Variants in UBR3 observed in about 807,000 individuals in gnomAD.
UBR3 encodes E3 ubiquitin-protein ligase UBR3.
UBR3 carries 85 observed loss-of-function variants against 243.2 expected under a neutral mutation model. The ratio of observed to expected loss-of-function variants is 0.35; its 90% confidence interval spans 0.29 to 0.42. UBR3 has a LOEUF of 0.42. Ranked by LOEUF, UBR3 falls within the 10% of genes least tolerant of loss-of-function variation. UBR3 has a pLI of 1.00. For missense variants in UBR3, 1,686 were observed against 2,300.8 expected (o/e 0.73, Z 5.47); for synonymous variants, 748 against 799.8 (o/e 0.94, Z 1.09).
At chr2:169,919,662 C>T (rs996973575) in intron 11 of UBR3, among the ~76,000 whole-genome samples, 1 of 152,160 alleles carries the variant, frequency 6.6e-6, no homozygotes, top group Admixed American at 6.5e-5. Context: ...TATGAACAGA[C>T]ACTTCTCAAA....
At position 169,852,333 on chromosome 2, in the gene UBR3, A is replaced by G. The variant is rs565864128; in HGVS notation, c.546-19903A>G. The stretch of plus-strand genomic sequence containing the variant: ...GGTAGGCTTTTGTGTTTTCTTTTCT[A>G]TGGCTTTACATGCTTTTGGATCCTT... On this transcript the variant is annotated intron_variant, in intron 1 of 38. Coordinates refer to ENST00000272793, the MANE Select transcript of UBR3 (RefSeq NM_172070.4). Among the ~76,000 whole-genome samples, 6 of 152,264 alleles carry G rather than the reference A, an allele frequency of 3.9e-5. No homozygotes were observed. The South Asian group carries it at 8.3e-4, about 21-fold the overall frequency.
At chr2:169,921,125 A>G (rs1417951172) in intron 11 of UBR3, among the ~76,000 whole-genome samples, 2 of 152,326 alleles carry the variant, frequency 1.3e-5, no homozygotes, top group Middle Eastern at 3.4e-3. Context: ...TCTACATTTC[A>G]TATTTAAATT....
chr2:170,043,071 A>T (rs1044209697), intron 32 of UBR3, among the ~76,000 whole-genome samples: 13 of 152,094 alleles, frequency 8.5e-5, no homozygotes, highest in African/African-American at 2.9e-4. Flanking sequence ...TAGTAGTATT[A>T]CGTTTTGAAA....
intron 24 of UBR3, among the ~76,000 whole-genome samples, chr2:169,971,087 A>AT (rs1303185404): frequency 1.3e-5 from 2 of 151,926 alleles, no homozygotes; most frequent in African/African-American, 4.8e-5. Context: ...GATGATGAGC[A>AT]TTTTTTCATG....
intron 5 of UBR3, among the ~76,000 whole-genome samples, chr2:169,882,116 A>G (rs1418059440): frequency 4.5e-4 from 57 of 127,678 alleles, no homozygotes; most frequent in Admixed American, 8.0e-4. Flanking sequence ...TATATTATAT[A>G]TGTATATTAT....
chr2:170,000,536 G>T (rs537834797), intron 26 of UBR3, among the ~76,000 whole-genome samples: 1 of 152,344 alleles, frequency 6.6e-6, no homozygotes, highest in African/African-American at 2.4e-5. Flanking sequence ...TTCTGACTTG[G>T]TGACTAAATA....
At chr2:169,862,883 G>A (rs969668666) in intron 1 of UBR3, among the ~76,000 whole-genome samples, 1 of 152,056 alleles carries the variant, frequency 6.6e-6, no homozygotes, top group Non-Finnish European at 1.5e-5. Flanking sequence ...AACATGGGGC[G>A]GGGGTATGAC....
At position 169,923,922 on chromosome 2, in the gene UBR3, A is replaced by T; in HGVS notation, c.1867-7A>T. On this transcript the variant is annotated splice_polypyrimidine_tract_variant and splice_region_variant and intron_variant, in intron 11 of 38. Coordinates refer to ENST00000272793, the MANE Select transcript of UBR3 (RefSeq NM_172070.4). The stretch of plus-strand genomic sequence containing the variant: ...TTTGACTTGTGCATTTTGTTTGTTT[A>T]TTCCAGCCAGCACCTAACCAAGTCA... 1 of 1,534,366 alleles carries T rather than the reference A, an allele frequency of 6.5e-7. No individual in the cohort carries two copies. The highest frequency in any genetic ancestry group is 1.3e-5 in the South Asian group (1 of 79,772).
chr2:170,002,443 CT>C (rs1461539065), intron 27 of UBR3, among the ~76,000 whole-genome samples: 1 of 152,194 alleles, frequency 6.6e-6, no homozygotes, highest in Non-Finnish European at 1.5e-5. Context: ...TTCATTTCCT[CT>C]TAACAGATTC....
At chr2:170,071,406 G>A (rs1180607465) in intron 35 of UBR3, among the ~76,000 whole-genome samples, 3 of 152,142 alleles carry the variant, frequency 2.0e-5, no homozygotes, top group African/African-American at 7.2e-5. Context: ...ATTACATCCT[G>A]TATGATTTTA....
In UBR3 at chr2:170,079,452, G is replaced by A. The variant is rs1052679946; in HGVS notation, c.5200-362G>A. Among the ~76,000 whole-genome samples the A allele has an allele frequency of 5.3e-5, 8 of 152,214 alleles. No homozygotes were observed. In the East Asian group the frequency reaches 5.8e-4, roughly 11 times the overall value. ...ATCAAAACTTGGTTTTAAAAAATACGTAACTTTTAAAAACCTTTGCACTAT... is the reference window on the plus strand; with the variant it reads ...ATCAAAACTTGGTTTTAAAAAATACATAACTTTTAAAAACCTTTGCACTAT... On this transcript the variant is annotated intron_variant, in intron 36 of 38. Transcript: ENST00000272793.
At chr2:170,002,164 A>G (rs2089737126) in intron 27 of UBR3, among the ~76,000 whole-genome samples, 2 of 151,898 alleles carry the variant, frequency 1.3e-5, no homozygotes, top group African/African-American at 4.8e-5. Flanking sequence ...GCTCTTTGCT[A>G]TCCTCACTTT....
chr2:169,955,304 C>G, intron 23 of UBR3, among the ~76,000 whole-genome samples: 1 of 152,078 alleles, frequency 6.6e-6, no homozygotes, highest in Non-Finnish European at 1.5e-5. Flanking sequence ...ACTTTATATT[C>G]ATTTATTTTT....
chr2:169,933,020 A>G lies in UBR3; in HGVS notation c.2663+12A>G. Reference sequence around the variant, plus strand: ...AGATATACTGCATTGTAAGTCCATCAAATTGATTAGCATCATAACAGTATT... The same window carrying G: ...AGATATACTGCATTGTAAGTCCATCGAATTGATTAGCATCATAACAGTATT... On this transcript the variant is annotated intron_variant, in intron 19 of 38. Transcript: ENST00000272793. 6.7e-7 allele frequency: 1 copy of G among 1,499,924 alleles called. No individual in the cohort carries two copies. Among genetic ancestry groups the G allele is most frequent in the Non-Finnish European group, 8.9e-7 (1 of 1,124,682 alleles). The allele number at this position is 1,499,924 out of a possible 1,614,324, so 92.9% of individuals were successfully genotyped here.
intron 1 of UBR3, among the ~76,000 whole-genome samples, chr2:169,858,182 T>G (rs1205870856): frequency 6.6e-6 from 1 of 152,196 alleles, no homozygotes; most frequent in East Asian, 1.9e-4. Context: ...AAAATCTAAG[T>G]TGGCACTGTA....
intron 26 of UBR3, among the ~76,000 whole-genome samples, chr2:169,994,777 T>G (rs1390894866): frequency 1.3e-5 from 2 of 152,212 alleles, no homozygotes; most frequent in Non-Finnish European, 2.9e-5. Flanking sequence ...AAAAAATAAA[T>G]TCCCTACTGG....
intron 11 of UBR3, among the ~76,000 whole-genome samples, chr2:169,914,859 T>C (rs1367472124): frequency 6.8e-6 from 1 of 147,532 alleles, no homozygotes; most frequent in East Asian, 1.9e-4. Context: ...TGTGTGTGTG[T>C]GTGTGTGTGT....
chr2:169,883,728 A>G (rs2083981752), intron 5 of UBR3, among the ~76,000 whole-genome samples: 1 of 152,258 alleles, frequency 6.6e-6, no homozygotes, highest in South Asian at 2.1e-4. Context: ...ATGCCATTTT[A>G]GCCAGTAATG....
chr2:169,922,999 T>G (rs1472733553), intron 11 of UBR3, among the ~76,000 whole-genome samples: 1 of 152,186 alleles, frequency 6.6e-6, no homozygotes, highest in Non-Finnish European at 1.5e-5. Context: ...AGAGAATATT[T>G]AATAAGAACT....
Sources: allele counts gnomAD v4.1 joint callset (sites outside exome capture counted in the v4.1 genomes callset), GRCh38; gene constraint gnomAD v4.1.1; transcripts MANE v1.5; gene names NCBI Gene and HGNC (gene_info 2026-07-23, HGNC 2026-07-21).